Variants in ZNF589 observed in about 807,000 individuals in gnomAD.
ZNF589 encodes the protein KRAB-zinc finger protein SZF1-1.
ZNF589 carries 17 observed loss-of-function variants against 13.6 expected under a neutral mutation model. That is an observed-to-expected ratio of 1.25 (90% CI 0.86 to 1.88). The LOEUF is 1.88. ZNF589 is among the 40% of genes most tolerant of loss of function. The pLI, the probability that ZNF589 is intolerant of heterozygous loss-of-function variation, is 0.00. For synonymous variants in ZNF589, 148 were observed against 161.6 expected (o/e 0.92, Z 0.64); for missense variants, 407 against 434.0 (o/e 0.94, Z 0.55).
intron 1 of ZNF589, among the ~76,000 whole-genome samples, chr3:48,243,368 G>T (rs1359267932): frequency 6.6e-6 from 1 of 152,092 alleles, no homozygotes; most frequent in Non-Finnish European, 1.5e-5. Flanking sequence ...TTTGGCTTGT[G>T]TGTAGTTTGC....
At position 48,268,707 on chromosome 3, in the gene ZNF589, G is replaced by A. The variant is rs1559984172; in HGVS notation, c.1016G>A (p.Arg339Gln). 4.3e-6 allele frequency: 7 copies of A among 1,614,132 alleles called. No individual in the cohort carries two copies. Among genetic ancestry groups the A allele is most frequent in the East Asian group, 2.2e-5 (1 of 44,876 alleles). ...TCGTTTATGTGCACAGTGTGTGGGC[G>A]AGGCTTTCGTGAAAAGTCAGAGCTC... is the stretch of plus-strand genomic sequence containing the variant. Reference protein sequence around the residue: ...EKSFMCTVCGRGFREKSELIK... With the variant: ...EKSFMCTVCGQGFREKSELIK... Residue 339 changes from arginine to glutamine, a missense_variant, in exon 4 of 4, where the codon CGA (arginine) becomes CAA (glutamine). Physicochemically the swap from Arg to Gln is conservative, Grantham distance 43 (BLOSUM62 1). Coordinates refer to ENST00000354698, the MANE Select transcript of ZNF589 (RefSeq NM_016089.3).
chr3:48,247,116 G>A (rs958303382), intron 1 of ZNF589, among the ~76,000 whole-genome samples: 2 of 151,920 alleles, frequency 1.3e-5, no homozygotes, highest in African/African-American at 2.4e-5. Flanking sequence ...GATTATAGGC[G>A]TGCACTACCA....
At position 48,241,164 on chromosome 3, in the gene ZNF589, G is replaced by A. The variant is rs750189478; in HGVS notation, c.-8G>A. 1.2e-6 allele frequency: 1 copy of A among 802,558 alleles called. No homozygotes were observed. Among genetic ancestry groups the A allele is most frequent in the South Asian group, 2.3e-5 (1 of 44,082 alleles). The allele number at this position is 802,558 out of a possible 1,614,324, so 49.7% of individuals were successfully genotyped here. Reference sequence around the variant, plus strand: ...CCTCGTTTGCTTCGTGCGTGCGTGCGCGCGCAGATGTGGGCCCCGCGGGAG... The same window carrying A: ...CCTCGTTTGCTTCGTGCGTGCGTGCACGCGCAGATGTGGGCCCCGCGGGAG... On this transcript the variant is annotated 5_prime_UTR_variant, in exon 1 of 4. Transcript: ENST00000354698.
At position 48,256,891 on chromosome 3, in the gene ZNF589, A is replaced by G. The variant is rs554565089; in HGVS notation, c.97-3922A>G. 12 of 879,408 alleles carry G rather than the reference A, an allele frequency of 1.4e-5. No homozygotes were observed. The South Asian group carries it at 1.4e-4, about 10-fold the overall frequency. The allele number at this position is 879,408 out of a possible 1,614,324, so 54.5% of individuals were successfully genotyped here. A position where few individuals can be genotyped will look rare whatever the true frequency, so the allele number is the denominator to read the frequency against. On this transcript the variant is annotated intron_variant, in intron 2 of 3. Transcript: ENST00000354698. ...TCACTGCTGGGCCTGCTAGGAGCCC[A>G]CACGGAAGCTGCCCACAGCCAGACA...
chr3:48,253,489 C>T (rs1479802012), intron 2 of ZNF589, among the ~76,000 whole-genome samples: 2 of 142,754 alleles, frequency 1.4e-5, no homozygotes, highest in African/African-American at 5.2e-5. Context: ...TAGTACTAGT[C>T]ATATTTTTCT....
intron 3 of ZNF589, among the ~76,000 whole-genome samples, chr3:48,264,430 G>T (rs138035520): frequency 0.031 from 4,657 of 152,076 alleles, 208 homozygotes; most frequent in African/African-American, 0.11. Flanking sequence ...CTACTCAGGA[G>T]TCTGAGGCAG....
rs549708419 is a variant in ZNF589 at position 48,241,386 on chromosome 3, C to T, written c.43+172C>T. On this transcript the variant is annotated intron_variant, in intron 1 of 3. Transcript: ENST00000354698. ...GGGGGCCAGGTTCCTCCCTAGGTGT[C>T]CCGTACAGTCTCCACGGTGCTCACT... 5.3e-5 allele frequency among the ~76,000 whole-genome samples: 8 copies of T among 151,336 alleles called. No individual in the cohort carries two copies. In the South Asian group the frequency reaches 1.5e-3, roughly 28 times the overall value.
chr3:48,244,510 C>T (rs2033738455), intron 1 of ZNF589, among the ~76,000 whole-genome samples: 1 of 151,984 alleles, frequency 6.6e-6, no homozygotes, highest in African/African-American at 2.4e-5. Context: ...AGTATAGGCA[C>T]ATATTATGGG....
chr3:48,252,617 CTTTTTTTTTTTTT>C (rs71625863), intron 2 of ZNF589, among the ~76,000 whole-genome samples: 2 of 97,304 alleles, frequency 2.1e-5, no homozygotes, highest in Admixed American at 1.3e-4. Flanking sequence ...AGAATAATAT[CTTTTTTTTTTTTT>C]TTTTTTTTTT....
At chr3:48,242,905 A>T (rs547330018) in intron 1 of ZNF589, among the ~76,000 whole-genome samples, 26 of 151,520 alleles carry the variant, frequency 1.7e-4, no homozygotes, top group African/African-American at 6.1e-4. Context: ...TCTCTACTTT[A>T]AAAATAAAAT....
chr3:48,268,563 TC>T lies in ZNF589; in HGVS notation c.874del (p.Arg292AlafsTer4). ...CGRGFIVESV[L>X]RNHLSTHSGE... ...CGAGGCTTTATAGTTGAGTCAGTCCTCCGCAACCACCTGAGTACACACTCCG... is the reference window on the plus strand; with the variant it reads ...CGAGGCTTTATAGTTGAGTCAGTCCTCGCAACCACCTGAGTACACACTCCG... On this transcript the variant is annotated frameshift_variant, in exon 4 of 4. Transcript: ENST00000354698. LOFTEE classifies it low-confidence loss of function (END_TRUNC). 6.2e-7 allele frequency: 1 copy of T among 1,613,870 alleles called. No homozygotes were observed. Among genetic ancestry groups the T allele is most frequent in the Non-Finnish European group, 8.5e-7 (1 of 1,179,966 alleles).
intron 2 of ZNF589, among the ~76,000 whole-genome samples, chr3:48,250,535 G>T (rs1490912579): frequency 3.3e-5 from 5 of 151,132 alleles, no homozygotes; most frequent in Non-Finnish European, 7.4e-5. Flanking sequence ...ACAGTGATAC[G>T]ATCTTGGCTC....
At chr3:48,252,199 A>T (rs9878281) in intron 2 of ZNF589, among the ~76,000 whole-genome samples, 3,644 of 148,496 alleles carry the variant, frequency 0.025, 77 homozygotes, top group Admixed American at 0.048. Flanking sequence ...TATTATTATT[A>T]TTTTTTTTTT....
rs546880270 is a variant in ZNF589 at position 48,269,070 on chromosome 3, A to G, written c.*284A>G. ...GGATTTAGCCGGAGGATAGTCCTCAATGGACACTGGAGGACACACACGGGA... is the reference window on the plus strand; with the variant it reads ...GGATTTAGCCGGAGGATAGTCCTCAGTGGACACTGGAGGACACACACGGGA... On this transcript the variant is annotated 3_prime_UTR_variant, in exon 4 of 4. Transcript: ENST00000354698. 166 of 636,962 alleles carry G rather than the reference A, an allele frequency of 2.6e-4. No homozygotes were observed. The highest frequency in any genetic ancestry group is 2.5e-3 in the African/African-American group (136 of 54,338). 39.5% of individuals were successfully genotyped at this position (636,962 alleles called of 1,614,324 possible). A position where few individuals can be genotyped will look rare whatever the true frequency, so the allele number is the denominator to read the frequency against.
intron 2 of ZNF589, among the ~76,000 whole-genome samples, chr3:48,251,433 A>G (rs542122029): frequency 1.8e-4 from 27 of 151,136 alleles, no homozygotes; most frequent in African/African-American, 6.6e-4. Flanking sequence ...GGCGATGCGT[A>G]CCTGTAATCC....
chr3:48,267,904 T>C lies in ZNF589; in HGVS notation c.224-11T>C. Reference sequence around the variant, plus strand: ...CTATGACTCTTCTGACTGGAAACTTTCTTTCTTCAGCAGAATCAAAGCCAG... The same window carrying C: ...CTATGACTCTTCTGACTGGAAACTTCCTTTCTTCAGCAGAATCAAAGCCAG... On this transcript the variant is annotated splice_polypyrimidine_tract_variant and intron_variant, in intron 3 of 3. Transcript: ENST00000354698. 6.3e-7 allele frequency: 1 copy of C among 1,594,364 alleles called. No homozygotes were observed. The highest frequency in any genetic ancestry group is 8.5e-7 in the Non-Finnish European group (1 of 1,173,642).
Position 48,268,772 on chromosome 3 carries a change from G to A in ZNF589, c.1081G>A (p.Val361Met), listed in dbSNP as rs577234679. 5.6e-6 allele frequency: 9 copies of A among 1,613,274 alleles called. No homozygotes were observed. The highest frequency in any genetic ancestry group is 1.7e-4 in the Middle Eastern group (1 of 6,054). Residue 361 changes from valine to methionine, a missense_variant, in exon 4 of 4, where the codon GTG (valine) becomes ATG (methionine). Physicochemically the swap from Val to Met is conservative, Grantham distance 21. Coordinates refer to ENST00000354698, the MANE Select transcript of ZNF589 (RefSeq NM_016089.3). ...AATTCACACGGGGGATAAGCCTTAT[G>A]TGTGCAGAGATTGAGGCCGAGGCTT... ...QRIHTGDKPY[V>M]CRD
intron 1 of ZNF589, among the ~76,000 whole-genome samples, chr3:48,245,824 G>A (rs1410524438): frequency 6.6e-6 from 1 of 151,996 alleles, no homozygotes; most frequent in African/African-American, 2.4e-5. Flanking sequence ...GCAGGTGCCT[G>A]TAATCCCAGC....
intron 3 of ZNF589, among the ~76,000 whole-genome samples, chr3:48,265,072 AGTGATT>A (rs2034005758): frequency 6.6e-6 from 1 of 150,972 alleles, no homozygotes. Flanking sequence ...CCTGGGTTCA[AGTGATT>A]GTCCTGCCTC....
Sources: gnomAD v4.1 joint callset for allele counts (sites outside exome capture counted in the v4.1 genomes callset) on GRCh38, gnomAD v4.1.1 for gene constraint, MANE v1.5 for transcripts, NCBI Gene and HGNC (gene_info 2026-07-23, HGNC 2026-07-21) for gene names.